GPM6A: variants seen among roughly 807,000 people sequenced by gnomAD.
GPM6A encodes neuronal membrane glycoprotein M6-a.
GPM6A carries 7 observed loss-of-function variants against 32.1 expected under a neutral mutation model. The ratio of observed to expected loss-of-function variants is 0.22; its 90% CI spans 0.12 to 0.41. GPM6A has a LOEUF of 0.41. Ranked by LOEUF, GPM6A falls within the 10% of genes least tolerant of loss-of-function variation. The pLI is 1.00. For missense variants in GPM6A, 235 were observed against 347.2 expected (o/e 0.68, Z 2.57); for synonymous variants, 130 against 123.4 (o/e 1.05, Z -0.35).
At chr4:175,846,002 C>T (rs1414831057) in intron 1 of GPM6A, among the ~76,000 whole-genome samples, 1 of 152,000 alleles carries the variant, frequency 6.6e-6, no homozygotes, top group Non-Finnish European at 1.5e-5. Flanking sequence ...CACTCACTGC[C>T]ATTTCCTCTA....
intron 2 of GPM6A, among the ~76,000 whole-genome samples, chr4:175,679,594 G>A (rs1414734499): frequency 6.6e-6 from 1 of 152,058 alleles, no homozygotes; most frequent in African/African-American, 2.4e-5. Context: ...TATCATGTTT[G>A]CAAAATGATG....
At chr4:175,800,286 T>C (rs1223812061) in intron 1 of GPM6A, among the ~76,000 whole-genome samples, 1 of 152,208 alleles carries the variant, frequency 6.6e-6, no homozygotes, top group Non-Finnish European at 1.5e-5. Context: ...TTATATAGCA[T>C]ATACCCAAAT....
At chr4:175,864,255 C>T (rs1016821135) in intron 1 of GPM6A, among the ~76,000 whole-genome samples, 3 of 152,162 alleles carry the variant, frequency 2.0e-5, no homozygotes, top group African/African-American at 7.2e-5. Context: ...CAGCCTTGAC[C>T]TTCTGGGCTT....
At chr4:175,677,053 T>G (rs1743410544) in intron 2 of GPM6A, among the ~76,000 whole-genome samples, 1 of 152,178 alleles carries the variant, frequency 6.6e-6, no homozygotes, top group Non-Finnish European at 1.5e-5. Context: ...CAACAGTAAT[T>G]TTTTAGATCA....
At chr4:175,915,896 GTGGA>G (rs763082526) in intron 1 of GPM6A, among the ~76,000 whole-genome samples, 20 of 152,192 alleles carry the variant, frequency 1.3e-4, no homozygotes, top group Non-Finnish European at 2.4e-4. Flanking sequence ...ATGTAGCCAT[GTGGA>G]CCTTACATTT....
chr4:175,831,903 G>A (rs1400865986), intron 1 of GPM6A, among the ~76,000 whole-genome samples: 1 of 151,690 alleles, frequency 6.6e-6, no homozygotes, highest in African/African-American at 2.4e-5. Context: ...ATTTTTAGTA[G>A]AGACGGGATT....
chr4:175,668,021 C>G (rs1742843533), intron 3 of GPM6A, among the ~76,000 whole-genome samples: 1 of 152,110 alleles, frequency 6.6e-6, no homozygotes, highest in African/African-American at 2.4e-5. Context: ...TTGTAAGTCT[C>G]TTGTATTTTA....
chr4:175,917,623 C>T (rs1192022764), intron 1 of GPM6A, among the ~76,000 whole-genome samples: 1 of 152,152 alleles, frequency 6.6e-6, no homozygotes, highest in Non-Finnish European at 1.5e-5. Flanking sequence ...ACTCTTCATT[C>T]ATCCTCCTTG....
At chr4:175,689,911 CT>C (rs2111033235) in intron 2 of GPM6A, among the ~76,000 whole-genome samples, 1 of 152,320 alleles carries the variant, frequency 6.6e-6, no homozygotes, top group South Asian at 2.1e-4. Flanking sequence ...AGCCAGAGCA[CT>C]GGGTGTGTGT....
chr4:175,709,604 T>C (rs77812674), intron 1 of GPM6A, among the ~76,000 whole-genome samples: 15,483 of 151,676 alleles, frequency 0.1, 1,038 homozygotes, highest in East Asian at 0.26. Flanking sequence ...GGCGCTCACT[T>C]GTAATCCCAG....
At chr4:175,696,204 A>G (rs111370136) in intron 2 of GPM6A, among the ~76,000 whole-genome samples, 109 of 152,286 alleles carry the variant, frequency 7.2e-4, no homozygotes, top group African/African-American at 2.4e-3. Context: ...TTATCAACTA[A>G]TTTTATTGTC....
At chr4:175,777,607 C>G (rs1267477962) in intron 1 of GPM6A, among the ~76,000 whole-genome samples, 1 of 151,894 alleles carries the variant, frequency 6.6e-6, no homozygotes, top group Non-Finnish European at 1.5e-5. Context: ...ATGGGATTAG[C>G]CTTTATATTT....
At chr4:175,703,820 T>C (rs926092750) in intron 1 of GPM6A, among the ~76,000 whole-genome samples, 4 of 152,188 alleles carry the variant, frequency 2.6e-5, no homozygotes, top group African/African-American at 9.7e-5. Flanking sequence ...AAGGATGACC[T>C]AGGTTCCATA....
intron 1 of GPM6A, among the ~76,000 whole-genome samples, chr4:175,819,499 T>G (rs1475328804): frequency 1.3e-5 from 2 of 152,178 alleles, no homozygotes; most frequent in Non-Finnish European, 2.9e-5. Flanking sequence ...ACTCAGCACT[T>G]CACATGTGTG....
chr4:175,652,389 C>CTGTCATCCATAGGATGACA (rs1419214645), intron 3 of GPM6A, among the ~76,000 whole-genome samples: 2 of 152,052 alleles, frequency 1.3e-5, no homozygotes, highest in Non-Finnish European at 2.9e-5. Context: ...TTCCATAGGA[C>CTGTCATCCATAGGATGACA]TAAACTGTCA....
rs988496659 is a variant in GPM6A, at chr4:175,902,894, G to A, written c.-22-90645C>T. Among the ~76,000 whole-genome samples the A allele has an allele frequency of 7.9e-5, 12 of 152,064 alleles. 1 individual carries two copies. The highest frequency in any genetic ancestry group is 2.2e-4 in the African/African-American group (9 of 41,496). On this transcript the variant is annotated intron_variant, in intron 1 of 7. Coordinates refer to the GPM6A transcript ENST00000280187. ...ACCCCAGATGAACGACACAGCTTCC[G>A]TTATGATTCCATTTTTATAAAGCTC...
intron 3 of GPM6A, among the ~76,000 whole-genome samples, chr4:175,658,891 C>T (rs1274073539): frequency 6.6e-6 from 1 of 152,076 alleles, no homozygotes; most frequent in Non-Finnish European, 1.5e-5. Context: ...ACTTCAATCT[C>T]AATTGGCAAG....
chr4:175,926,886 C>G (rs1302583913), intron 1 of GPM6A, among the ~76,000 whole-genome samples: 2 of 152,106 alleles, frequency 1.3e-5, no homozygotes, highest in Non-Finnish European at 2.9e-5. Flanking sequence ...AGTGCCTTAA[C>G]CATTCCTATA....
intron 1 of GPM6A, among the ~76,000 whole-genome samples, chr4:175,982,282 G>A (rs79417310): frequency 3.3e-5 from 5 of 151,944 alleles, no homozygotes; most frequent in African/African-American, 7.3e-5. Flanking sequence ...CTTTCAAAAC[G>A]AGACTTTTTG....
Sources: gnomAD v4.1 joint callset for allele counts (sites outside exome capture counted in the v4.1 genomes callset) on GRCh38, gnomAD v4.1.1 for gene constraint, MANE v1.5 for transcripts, NCBI Gene and HGNC (gene_info 2026-07-23, HGNC 2026-07-21) for gene names.